Variants in GVQW3 observed in about 807,000 individuals in gnomAD.
The protein encoded by GVQW3 is protein GVQW3.
In GVQW3, 7 loss-of-function variants were observed where a neutral mutation model predicts 12.5. The observed-to-expected ratio is 0.56, with a 90% CI of 0.32 to 1.05. The LOEUF is 1.05. Ranked by LOEUF, GVQW3 falls within the 50% of genes least tolerant of loss-of-function variation. GVQW3 has a pLI of 0.04. For missense variants in GVQW3, 188 were observed against 190.8 expected (o/e 0.99, Z 0.09); for synonymous variants, 71 against 67.2 (o/e 1.06, Z -0.28).
At chr11:76,394,323 C>T (rs1178350507) in intron 1 of GVQW3, among the ~76,000 whole-genome samples, 1 of 151,760 alleles carries the variant, frequency 6.6e-6, no homozygotes, top group Non-Finnish European at 1.5e-5. Context: ...ATCCCCTTTT[C>T]CCCCCACCCC....
intron 1 of GVQW3, among the ~76,000 whole-genome samples, chr11:76,399,113 T>TATTGTATTGTATTG (rs1565246176): frequency 1.2e-4 from 18 of 148,950 alleles, no homozygotes; most frequent in African/African-American, 4.4e-4. Context: ...GTATTGTATT[T>TATTGTATTGTATTG]TATTTTATTT....
intron 1 of GVQW3, among the ~76,000 whole-genome samples, chr11:76,389,061 T>A (rs766742422): frequency 4.6e-5 from 7 of 152,222 alleles, no homozygotes; most frequent in Admixed American, 1.3e-4. Flanking sequence ...TTGACAATCT[T>A]AAAGTCCAAC....
chr11:76,393,409 A>G (rs1245477690), intron 1 of GVQW3, among the ~76,000 whole-genome samples: 4 of 152,194 alleles, frequency 2.6e-5, no homozygotes, highest in African/African-American at 9.7e-5. Flanking sequence ...ACCTACTGCA[A>G]CTGGACAGGG....
downstream of GVQW3, chr11:76,411,332 G>A (rs1394497633): frequency 6.6e-6 from 1 of 152,422 alleles, no homozygotes; most frequent in South Asian, 2.1e-4. Context: ...CGTTGGAGCT[G>A]GGAGTCATCC....
Position 76,386,163 on chromosome 11 carries a change from G to A in GVQW3, c.465+3870G>A, listed in dbSNP as rs976996275. On this transcript the variant is annotated intron_variant, in intron 1 of 1. Transcript: ENST00000529331. ...GGAATGTTTTATGCCACAGCTGAGC[G>A]TCTAAGAGGAATACATGCCTTCTGG... is the stretch of plus-strand genomic sequence containing the variant. Among the ~76,000 whole-genome samples, 6 of 152,192 alleles carry A rather than the reference G, an allele frequency of 3.9e-5. No homozygotes were observed. The South Asian group carries it at 6.2e-4, about 16-fold the overall frequency.
chr11:76,396,125 G>C (rs1946937179), intron 1 of GVQW3, among the ~76,000 whole-genome samples: 1 of 152,106 alleles, frequency 6.6e-6, no homozygotes, highest in Non-Finnish European at 1.5e-5. Flanking sequence ...GGTACTCAGA[G>C]GTTCTGGGAT....
At chr11:76,392,380 C>T (rs1256147009) in intron 1 of GVQW3, 1 of 152,196 alleles carries the variant, frequency 6.6e-6, no homozygotes, top group Non-Finnish European at 1.5e-5. Context: ...ACCCCTGTAC[C>T]TTGCATTAAG....
chr11:76,384,851 A>C (rs533213272), intron 1 of GVQW3, among the ~76,000 whole-genome samples: 110 of 152,336 alleles, frequency 7.2e-4, no homozygotes, highest in African/African-American at 2.5e-3. Context: ...CAAAGTCCCC[A>C]CCACTAGTTC....
At chr11:76,392,781 AT>A (rs1946905277) in intron 1 of GVQW3, 1 of 152,186 alleles carries the variant, frequency 6.6e-6, no homozygotes, top group Non-Finnish European at 1.5e-5. Context: ...AAATGTTGGC[AT>A]TCTGTCATCC....
intron 1 of GVQW3, among the ~76,000 whole-genome samples, chr11:76,383,998 G>A (rs1364524040): frequency 2.0e-5 from 3 of 152,092 alleles, no homozygotes; most frequent in Non-Finnish European, 4.4e-5. Context: ...TTTGGACCCC[G>A]ACAAGCAGTT....
chr11:76,388,090 A>G (rs1946854223), intron 1 of GVQW3, among the ~76,000 whole-genome samples: 1 of 152,202 alleles, frequency 6.6e-6, no homozygotes, highest in African/African-American at 2.4e-5. Context: ...TATTATTCCC[A>G]TGTAAAATAT....
intron 1 of GVQW3, among the ~76,000 whole-genome samples, chr11:76,401,689 C>T (rs917553626): frequency 6.7e-6 from 1 of 148,860 alleles, no homozygotes; most frequent in Admixed American, 6.8e-5. Flanking sequence ...AGGAGAACCA[C>T]TTGAACCTGG....
intron 1 of GVQW3, chr11:76,390,113 G>A (rs1220464323): frequency 6.6e-6 from 1 of 152,182 alleles, no homozygotes; most frequent in Non-Finnish European, 1.5e-5. Context: ...TTAGTAAAAT[G>A]ATTATTATAA....
Position 76,404,098 on chromosome 11 carries a change from G to T in GVQW3, c.*340G>T. The T allele has an allele frequency of 2.2e-6, 1 of 461,820 alleles. No homozygotes were observed. The highest frequency in any genetic ancestry group is 3.9e-5 in the Admixed American group (1 of 25,966). 28.6% of individuals were successfully genotyped at this position (461,820 alleles called of 1,614,324 possible). A position where few individuals can be genotyped will look rare whatever the true frequency, so the allele number is the denominator to read the frequency against. ...TCCAGTCAAGTGAACATATAAAATTGGCTGTCACATCTCCATTTTGTTTAT... is the reference window on the plus strand; with the variant it reads ...TCCAGTCAAGTGAACATATAAAATTTGCTGTCACATCTCCATTTTGTTTAT... On this transcript the variant is annotated 3_prime_UTR_variant, in exon 2 of 2. Coordinates refer to ENST00000529331, the MANE Select transcript of GVQW3 (RefSeq NM_001347885.2).
At chr11:76,411,834 A>G (rs1468884381), downstream of GVQW3, 1 of 152,248 alleles carries the variant, frequency 6.6e-6, no homozygotes, top group African/African-American at 2.4e-5. Context: ...GCCTACCTCC[A>G]TGAGCCCTTC....
At chr11:76,409,099 A>G (rs1220976894), downstream of GVQW3, among the ~76,000 whole-genome samples, 1 of 152,182 alleles carries the variant, frequency 6.6e-6, no homozygotes, top group Non-Finnish European at 1.5e-5. Context: ...GCTGCATGCC[A>G]GGCACTGTGC....
rs1017836758 is a variant in GVQW3, at chr11:76,406,138, A to C, written c.*2380A>C. ...GAGGCATGTATCACCATGCCCAGCTAATTTTTGCATTTTTTGTAGAGTCAG... is the reference window on the plus strand; with the variant it reads ...GAGGCATGTATCACCATGCCCAGCTCATTTTTGCATTTTTTGTAGAGTCAG... On this transcript the variant is annotated 3_prime_UTR_variant, in exon 2 of 2. Coordinates refer to ENST00000529331, the MANE Select transcript of GVQW3 (RefSeq NM_001347885.2). 6.8e-6 allele frequency: 1 copy of C among 148,140 alleles called. No individual in the cohort carries two copies. The highest frequency in any genetic ancestry group is 2.6e-5 in the African/African-American group (1 of 38,942). The allele number at this position is 148,140 out of a possible 1,614,324, so 9.2% of individuals were successfully genotyped here. A position where few individuals can be genotyped will look rare whatever the true frequency, so the allele number is the denominator to read the frequency against.
chr11:76,408,168 C>G (rs1470777223), downstream of GVQW3: 1 of 152,026 alleles, frequency 6.6e-6, no homozygotes, highest in Non-Finnish European at 1.5e-5. Flanking sequence ...AGATCTGCCC[C>G]CAGGGTTCTG....
chr11:76,400,886 G>T (rs1230392985), intron 1 of GVQW3, among the ~76,000 whole-genome samples: 6 of 152,028 alleles, frequency 3.9e-5, no homozygotes, highest in Admixed American at 3.9e-4. Context: ...CAGCTAGCTC[G>T]AATATGTAGG....
Sources: gnomAD v4.1 joint callset for allele counts (sites outside exome capture counted in the v4.1 genomes callset) on GRCh38, gnomAD v4.1.1 for gene constraint, MANE v1.5 for transcripts, NCBI Gene and HGNC (gene_info 2026-07-23, HGNC 2026-07-21) for gene names.